Variants in TP73 observed in about 807,000 individuals in gnomAD.
TP73 encodes tumor protein p73, also known as p53-like transcription factor.
TP73 carries 25 observed loss-of-function variants against 62.5 expected under a neutral mutation model. That is an observed-to-expected ratio of 0.40 (90% confidence interval 0.29 to 0.56). TP73 has a LOEUF of 0.56. TP73 is among the 20% of genes least tolerant of loss of function. The probability of loss-of-function intolerance (pLI) is 0.46; values close to 1 mark genes in which losing one functional copy is unlikely to be tolerated. For synonymous variants in TP73, 423 were observed against 377.5 expected (o/e 1.12, Z -1.40); for missense variants, 754 against 913.3 (o/e 0.83, Z 2.25).
chr1:3,714,904 C>T (rs1195257890), intron 4 of TP73, among the ~76,000 whole-genome samples: 1 of 152,234 alleles, frequency 6.6e-6, no homozygotes, highest in Non-Finnish European at 1.5e-5. Flanking sequence ...TGGAGTTCCT[C>T]GCCCTGCCTG....
At chr1:3,704,636 G>T (rs561761390) in intron 3 of TP73, among the ~76,000 whole-genome samples, 4 of 152,224 alleles carry the variant, frequency 2.6e-5, no homozygotes, top group Non-Finnish European at 5.9e-5. Context: ...GTGAAGGGTC[G>T]TGTGCAGACC....
intron 4 of TP73, among the ~76,000 whole-genome samples, chr1:3,716,750 A>G (rs1640631304): frequency 6.6e-6 from 1 of 152,066 alleles, no homozygotes; most frequent in African/African-American, 2.4e-5. Context: ...ACCCAGGAGG[A>G]CCCTAATCCA....
intron 3 of TP73, among the ~76,000 whole-genome samples, chr1:3,687,126 T>C (rs1387440002): frequency 6.6e-6 from 1 of 152,168 alleles, no homozygotes; most frequent in East Asian, 1.9e-4. Flanking sequence ...TGGCTGTCCC[T>C]GAAGACCCTA....
chr1:3,730,824 T>G, intron 11 of TP73, 103 bp from the exon 12 acceptor site: 1 of 1,423,266 alleles, frequency 7.0e-7, no homozygotes, highest in Non-Finnish European at 9.4e-7. Flanking sequence ...CGCCAGGCCT[T>G]GGGATGGCTC....
intron 1 of TP73, among the ~76,000 whole-genome samples, chr1:3,680,251 C>T (rs537468723): frequency 6.6e-6 from 1 of 152,216 alleles, no homozygotes; most frequent in Non-Finnish European, 1.5e-5. Context: ...TTCATGGCCG[C>T]GTAATGTTCC....
At chr1:3,725,845 A>G (rs1324493090) in intron 6 of TP73, among the ~76,000 whole-genome samples, 4 of 6,358 alleles carry the variant, frequency 6.3e-4, no homozygotes, top group African/African-American at 6.9e-4. Flanking sequence ...TGGGTGGGTG[A>G]GTGGATGGAT....
chr1:3,706,842 G>A (rs1488754013), intron 3 of TP73, among the ~76,000 whole-genome samples: 1 of 152,166 alleles, frequency 6.6e-6, no homozygotes, highest in African/African-American at 2.4e-5. Context: ...GCTGCGGGTA[G>A]GGGCCTAACG....
intron 1 of TP73, among the ~76,000 whole-genome samples, chr1:3,674,047 A>C (rs1228956204): frequency 1.3e-5 from 2 of 152,132 alleles, no homozygotes; most frequent in African/African-American, 4.8e-5. Context: ...GGTTGGTAAC[A>C]GGTGTGTGGC....
At position 3,732,947 on chromosome 1, in the gene TP73, C is replaced by T. The variant is rs1642251761; in HGVS notation, c.1779C>T (p.Thr593=). The change falls in exon 14 of 14, where the codon ACC becomes ACT. Residue 593 remains threonine (T), a synonymous_variant. Coordinates refer to ENST00000378295, the MANE Select transcript of TP73 (RefSeq NM_005427.4). ...CCGTGCACTTCCGCGTGCGCCACAC[C>T]ATCACCATCCCCAACCGCGGCGGCC... ...MEAVHFRVRH[T]ITIPNRGGPG... 1 of 1,609,390 alleles carries T rather than the reference C, an allele frequency of 6.2e-7. No homozygotes were observed. The highest frequency in any genetic ancestry group is 1.1e-5 in the South Asian group (1 of 90,774).
intron 4 of TP73, among the ~76,000 whole-genome samples, chr1:3,718,195 C>G (rs1640768489): frequency 1.3e-5 from 2 of 152,326 alleles, no homozygotes; most frequent in South Asian, 2.1e-4. Flanking sequence ...GCTCCCGGCG[C>G]GCCCAAGCTC....
chr1:3,684,145 G>T (rs1456755442), intron 3 of TP73, among the ~76,000 whole-genome samples: 1 of 152,358 alleles, frequency 6.6e-6, no homozygotes, highest in Middle Eastern at 3.4e-3. Flanking sequence ...CAAAGATCCC[G>T]ACCTGGGAGG....
At chr1:3,664,453 G>A (rs1645067789) in intron 1 of TP73, among the ~76,000 whole-genome samples, 1 of 151,964 alleles carries the variant, frequency 6.6e-6, no homozygotes, top group African/African-American at 2.4e-5. Flanking sequence ...CAGGAGAGGT[G>A]CAGTATTTCA....
chr1:3,693,253 G>C lies in TP73; in HGVS notation c.186+10073G>C, dbSNP rs367919976. ...TACTGCAGGAACGTATTTTGAGAGA[G>C]AAAGTGGTATTTGGCCCAAAGGGTT... On this transcript the variant is annotated intron_variant, in intron 3 of 13. Transcript: ENST00000378295. Among the ~76,000 whole-genome samples, 84 of 152,338 alleles carry C rather than the reference G, an allele frequency of 5.5e-4. 4 individuals carry two copies. In the South Asian group the frequency reaches 0.011, roughly 19 times the overall value.
At chr1:3,682,076 G>C (rs937475756) in intron 1 of TP73, among the ~76,000 whole-genome samples, 1 of 152,204 alleles carries the variant, frequency 6.6e-6, no homozygotes. Context: ...TGCCTGCCCA[G>C]GGCACCCCCA....
chr1:3,700,592 T>C (rs914936399), intron 3 of TP73, among the ~76,000 whole-genome samples: 2 of 151,794 alleles, frequency 1.3e-5, no homozygotes, highest in Admixed American at 1.3e-4. Flanking sequence ...AGGTCAGGAG[T>C]TCGAGACCAG....
At chr1:3,726,184 TG>T (rs1204450848) in intron 6 of TP73, among the ~76,000 whole-genome samples, 20 of 90,154 alleles carry the variant, frequency 2.2e-4, no homozygotes, top group Non-Finnish European at 3.4e-4. Context: ...AGATAATAAA[TG>T]GGGGGAGTGG....
rs961509982 is a variant in TP73, at chr1:3,733,756, A to C, written c.*677A>C. On this transcript the variant is annotated 3_prime_UTR_variant, in exon 14 of 14. Transcript: ENST00000378295. ...AACTGGGGAGGGCGCAACCCCCCCC[A>C]GGCGCGGGGAAGCATGTGGTACCGC... The C allele has an allele frequency of 6.6e-6, 1 of 152,220 alleles. No individual in the cohort carries two copies. The highest frequency in any genetic ancestry group is 1.5e-5 in the Non-Finnish European group (1 of 68,120). The allele number at this position is 152,220 out of a possible 1,614,324, so 9.4% of individuals were successfully genotyped here.
intron 4 of TP73, among the ~76,000 whole-genome samples, chr1:3,718,697 G>A (rs1640817636): frequency 6.6e-6 from 1 of 152,160 alleles, no homozygotes; most frequent in African/African-American, 2.4e-5. Context: ...CTCCATCTGT[G>A]TCCAACTGGC....
intron 4 of TP73, 36 bp downstream of exon 4, chr1:3,707,827 GGGCTGCGGGCTGGAGAGGAGGT>G: frequency 6.3e-7 from 1 of 1,593,922 alleles, no homozygotes; most frequent in Non-Finnish European, 8.5e-7. Flanking sequence ...TGCGGGCTGC[GGGCTGCGGGCTGGAGAGGAGGT>G]GGCTGCGTTC....
Sources: allele counts gnomAD v4.1 joint callset (sites outside exome capture counted in the v4.1 genomes callset), GRCh38; gene constraint gnomAD v4.1.1; transcripts MANE v1.5; gene names NCBI Gene and HGNC (gene_info 2026-07-23, HGNC 2026-07-21).